The following STK31 variants were observed in gnomAD, a reference collection of about 807,000 sequenced individuals.
STK31 encodes serine/threonine-protein kinase 31.
In STK31, 89 loss-of-function variants were observed where a neutral mutation model predicts 129.7. That is an observed-to-expected ratio of 0.69 (90% confidence interval 0.58 to 0.82). STK31 has a LOEUF of 0.82. Ranked by LOEUF, STK31 falls within the 40% of genes least tolerant of loss-of-function variation. The pLI is 0.00. For synonymous variants in STK31, 448 were observed against 395.3 expected (o/e 1.13, Z -1.58); for missense variants, 1,187 against 1,176.4 (o/e 1.01, Z -0.13).
chr7:23,746,318 A>G (rs1489253065), intron 8 of STK31, among the ~76,000 whole-genome samples: 1 of 152,172 alleles, frequency 6.6e-6, no homozygotes, highest in Non-Finnish European at 1.5e-5. Flanking sequence ...AATATGGGCC[A>G]CTGGGGTCTC....
intron 15 of STK31, among the ~76,000 whole-genome samples, chr7:23,774,043 G>A (rs544353951): frequency 1.3e-5 from 2 of 151,870 alleles, no homozygotes; most frequent in African/African-American, 4.8e-5. Flanking sequence ...TTGGTTTTCT[G>A]TCCTTGTGAT....
chr7:23,713,702 T>C (rs1430232191), intron 3 of STK31, among the ~76,000 whole-genome samples: 1 of 152,158 alleles, frequency 6.6e-6, no homozygotes, highest in Non-Finnish European at 1.5e-5. Flanking sequence ...CACTTCCGCT[T>C]CTTGTCCTAC....
At chr7:23,804,078 TTTTATTTA>T (rs1285614204) in intron 22 of STK31, among the ~76,000 whole-genome samples, 1 of 151,998 alleles carries the variant, frequency 6.6e-6, no homozygotes, top group African/African-American at 2.4e-5. Flanking sequence ...CTTTGTTTAT[TTTTATTTA>T]TTTATTTATT....
At chr7:23,713,976 A>G (rs1786141652) in intron 3 of STK31, among the ~76,000 whole-genome samples, 1 of 152,224 alleles carries the variant, frequency 6.6e-6, no homozygotes, top group South Asian at 2.1e-4. Context: ...GGGGCACGGT[A>G]GGTTTACACC....
At chr7:23,818,577 A>C (rs1229585460) in intron 23 of STK31, among the ~76,000 whole-genome samples, 1 of 150,914 alleles carries the variant, frequency 6.6e-6, no homozygotes, top group Non-Finnish European at 1.5e-5. Flanking sequence ...GCTTTTTAAT[A>C]CTTATAGGGC....
chr7:23,792,438 A>G (rs1233202313), intron 22 of STK31, among the ~76,000 whole-genome samples: 3 of 152,230 alleles, frequency 2.0e-5, no homozygotes, highest in Non-Finnish European at 2.9e-5. Flanking sequence ...TATTAAAACT[A>G]CAAAGCATTG....
chr7:23,770,944 G>A, intron 13 of STK31, 61 bp from the exon 14 acceptor site: 1 of 1,481,704 alleles, frequency 6.7e-7, no homozygotes, highest in Admixed American at 2.4e-5. Context: ...ATTGTTATTG[G>A]AGGCCTTAGC....
chr7:23,766,476 A>G (rs1789840061), intron 11 of STK31, among the ~76,000 whole-genome samples: 1 of 152,046 alleles, frequency 6.6e-6, no homozygotes, highest in South Asian at 2.1e-4. Context: ...CTGGTCTCGA[A>G]CTTCTGACCT....
chr7:23,730,066 T>C (rs1787310927), intron 6 of STK31, among the ~76,000 whole-genome samples: 1 of 152,182 alleles, frequency 6.6e-6, no homozygotes, highest in South Asian at 2.1e-4. Context: ...AATTTTGGGT[T>C]GGTAACCTAA....
intron 10 of STK31, among the ~76,000 whole-genome samples, chr7:23,756,610 A>C (rs1444985960): frequency 2.0e-5 from 3 of 152,036 alleles, no homozygotes; most frequent in Non-Finnish European, 4.4e-5. Flanking sequence ...TTGCCCATTC[A>C]ATTTGAGGCT....
chr7:23,829,663 G>C (rs1020084557), intron 23 of STK31, among the ~76,000 whole-genome samples: 3 of 152,268 alleles, frequency 2.0e-5, no homozygotes, highest in South Asian at 2.1e-4. Flanking sequence ...AAGTTAGGGA[G>C]AATTCTCGCC....
chr7:23,803,756 GC>G (rs1353790013), intron 22 of STK31, among the ~76,000 whole-genome samples: 1 of 152,004 alleles, frequency 6.6e-6, no homozygotes, highest in Non-Finnish European at 1.5e-5. Context: ...CCTTAAGTAG[GC>G]CCCGTGTCTG....
At chr7:23,804,582 C>T (rs1011413736) in intron 22 of STK31, among the ~76,000 whole-genome samples, 2 of 152,054 alleles carry the variant, frequency 1.3e-5, no homozygotes, top group Non-Finnish European at 2.9e-5. Context: ...TCTTTAAAAC[C>T]TTGCATGAAG....
At chr7:23,827,921 C>G (rs1453449125) in intron 23 of STK31, among the ~76,000 whole-genome samples, 1 of 152,190 alleles carries the variant, frequency 6.6e-6, no homozygotes, top group African/African-American at 2.4e-5. Context: ...TACTGGTGAA[C>G]CACAAATGCT....
At chr7:23,733,623 A>G (rs945638480) in intron 6 of STK31, among the ~76,000 whole-genome samples, 3 of 151,950 alleles carry the variant, frequency 2.0e-5, no homozygotes, top group East Asian at 1.9e-4. Context: ...CCTGGCTAAC[A>G]TGGTGAAACC....
chr7:23,731,831 T>C (rs1787449212), intron 6 of STK31, among the ~76,000 whole-genome samples: 1 of 152,244 alleles, frequency 6.6e-6, no homozygotes, highest in African/African-American at 2.4e-5. Flanking sequence ...CCTTTTAGCT[T>C]GTTTTCTAAT....
intron 3 of STK31, among the ~76,000 whole-genome samples, chr7:23,714,693 G>A (rs564248297): frequency 6.6e-6 from 1 of 152,140 alleles, no homozygotes; most frequent in African/African-American, 2.4e-5. Context: ...ATTGGCTATT[G>A]TATTCACTAG....
At chr7:23,807,041 A>G (rs921340624) in intron 22 of STK31, among the ~76,000 whole-genome samples, 1 of 152,118 alleles carries the variant, frequency 6.6e-6, no homozygotes, top group African/African-American at 2.4e-5. Flanking sequence ...TAGACTGGTC[A>G]TTCCTGTCTT....
chr7:23,780,044 C>T (rs377745615), intron 15 of STK31, among the ~76,000 whole-genome samples: 9 of 152,260 alleles, frequency 5.9e-5, no homozygotes, highest in East Asian at 5.8e-4. Context: ...CAGAATGAAC[C>T]GTTCCTGATG....
Sources: gnomAD v4.1 joint callset for allele counts (sites outside exome capture counted in the v4.1 genomes callset) on GRCh38, gnomAD v4.1.1 for gene constraint, MANE v1.5 for transcripts, NCBI Gene and HGNC (gene_info 2026-07-23, HGNC 2026-07-21) for gene names.